Variants in SFXN5 observed in about 807,000 individuals in gnomAD.
SFXN5 encodes sideroflexin 5.
In SFXN5, 43 loss-of-function variants were observed where a neutral mutation model predicts 50.2. The observed-to-expected ratio is 0.86, with a 90% CI of 0.67 to 1.11. The LOEUF (loss-of-function observed/expected upper bound fraction) is 1.11, where lower values mean the gene tolerates loss of function less well. SFXN5 is among the 50% of genes least tolerant of loss of function. The pLI is 0.00. For synonymous variants in SFXN5, 203 were observed against 185.8 expected (o/e 1.09, Z -0.75); for missense variants, 463 against 454.1 (o/e 1.02, Z -0.18).
intron 2 of SFXN5, among the ~76,000 whole-genome samples, chr2:73,052,343 T>TGC: frequency 7.5e-6 from 1 of 133,040 alleles, no homozygotes; most frequent in Non-Finnish European, 1.5e-5. Flanking sequence ...AGAGAGAGTG[T>TGC]GTGTGTGTGT....
intron 1 of SFXN5, chr2:73,071,304 A>T (rs1190365728): frequency 2.4e-6 from 1 of 412,192 alleles, no homozygotes; most frequent in Non-Finnish European, 4.4e-6. Context: ...GGCGCTCGGG[A>T]CCTTGACCGC....
At chr2:73,036,102 G>A (rs1289503037) in intron 3 of SFXN5, among the ~76,000 whole-genome samples, 1 of 152,220 alleles carries the variant, frequency 6.6e-6, no homozygotes, top group Non-Finnish European at 1.5e-5. Context: ...CCAGGTGCAG[G>A]TGAGGCCACT....
chr2:73,048,142 C>T (rs1263767342), intron 2 of SFXN5, among the ~76,000 whole-genome samples: 3 of 152,114 alleles, frequency 2.0e-5, no homozygotes, highest in African/African-American at 4.8e-5. Context: ...TGTATATACA[C>T]GTATCATGCA....
intron 12 of SFXN5, among the ~76,000 whole-genome samples, chr2:72,967,796 C>T (rs905714233): frequency 7.2e-5 from 11 of 152,172 alleles, no homozygotes; most frequent in South Asian, 2.1e-4. Flanking sequence ...GCCCTCTCTG[C>T]GCAGCCTTTC....
intron 1 of SFXN5, among the ~76,000 whole-genome samples, chr2:73,065,436 T>C (rs542683110): frequency 2.6e-5 from 4 of 151,686 alleles, no homozygotes; most frequent in Admixed American, 6.6e-5. Context: ...GTTTCGCTCT[T>C]GTTGCCCAGG....
chr2:73,020,367 T>C (rs2105822053), intron 5 of SFXN5, 103 bp from the exon 6 acceptor site: 4 of 1,158,908 alleles, frequency 3.5e-6, no homozygotes, highest in South Asian at 2.7e-5. Flanking sequence ...GTGGCCCTGA[T>C]GAAGGGGCTC....
At chr2:73,023,165 T>C (rs375091880) in intron 4 of SFXN5, 23 bp downstream of exon 4, 33 of 1,599,204 alleles carry the variant, frequency 2.1e-5, no homozygotes, top group African/African-American at 5.4e-5. Context: ...GAGAAGGAAA[T>C]AGAGAATCCA....
chr2:72,968,553 T>C lies in SFXN5; in HGVS notation c.742-20A>G, dbSNP rs776881952. The C allele has an allele frequency of 3.1e-6, 5 of 1,611,960 alleles. No individual in the cohort carries two copies. The highest frequency in any genetic ancestry group is 2.5e-6 in the Non-Finnish European group (3 of 1,179,256). ...CAGGGCCTGAGGGGCAGGCAGAAGC[T>C]GTGTGAGAGGGGCCTGACAGCTGGT... On this transcript the variant is annotated intron_variant, in intron 11 of 13. Coordinates refer to ENST00000272433, the MANE Select transcript of SFXN5 (RefSeq NM_144579.3).
chr2:73,064,503 T>C (rs985667870), intron 1 of SFXN5, among the ~76,000 whole-genome samples: 2 of 152,242 alleles, frequency 1.3e-5, no homozygotes, highest in African/African-American at 4.8e-5. Flanking sequence ...GTCTCGCCTA[T>C]AGGAAGTAAA....
At chr2:73,030,128 A>AG (rs1180413668) in intron 3 of SFXN5, among the ~76,000 whole-genome samples, 1 of 152,014 alleles carries the variant, frequency 6.6e-6, no homozygotes, top group Non-Finnish European at 1.5e-5. Flanking sequence ...ACAAAAAAAA[A>AG]CAAAAACAAA....
At chr2:73,011,102 AT>A (rs1675445447) in intron 6 of SFXN5, among the ~76,000 whole-genome samples, 1 of 152,232 alleles carries the variant, frequency 6.6e-6, no homozygotes, top group Non-Finnish European at 1.5e-5. Context: ...AAATCAATCA[AT>A]TGTGCAGTGG....
chr2:73,037,637 A>C (rs1574191534), intron 3 of SFXN5, among the ~76,000 whole-genome samples: 1 of 152,218 alleles, frequency 6.6e-6, no homozygotes, highest in East Asian at 1.9e-4. Flanking sequence ...ATTTCCAAAG[A>C]AAGAAAACAG....
chr2:73,057,913 T>C (rs1003526695), intron 2 of SFXN5, among the ~76,000 whole-genome samples: 1 of 152,292 alleles, frequency 6.6e-6, no homozygotes, highest in Admixed American at 6.5e-5. Flanking sequence ...TCCCCAGCCA[T>C]GAGGAACTGT....
At position 72,950,166 on chromosome 2, in the gene SFXN5, G is replaced by T. The variant is rs150583259; in HGVS notation, c.946-5067C>A. Among the ~76,000 whole-genome samples, 3 of 152,150 alleles carry T rather than the reference G, an allele frequency of 2.0e-5. No individual in the cohort carries two copies. Among genetic ancestry groups the T allele is most frequent in the African/African-American group, 7.2e-5 (3 of 41,418 alleles). On this transcript the variant is annotated intron_variant, in intron 13 of 13. Transcript: ENST00000272433. The surrounding 1 kb of genome is among the most constrained non-coding windows in gnomAD (Gnocchi z 4.2). ...GAACAGGCACATTTGAAGGGCAAGCGGAGGGAACAAGCCTGTGATGGTGGC... is the reference window on the plus strand; with the variant it reads ...GAACAGGCACATTTGAAGGGCAAGCTGAGGGAACAAGCCTGTGATGGTGGC...
At chr2:73,045,334 G>GC (rs531628852) in intron 2 of SFXN5, among the ~76,000 whole-genome samples, 2 of 151,944 alleles carry the variant, frequency 1.3e-5, no homozygotes, top group African/African-American at 2.4e-5. Flanking sequence ...AATGCCCAAA[G>GC]CCCCCCCAGA....
At chr2:73,053,998 G>T (rs1013410764) in intron 2 of SFXN5, among the ~76,000 whole-genome samples, 3 of 152,198 alleles carry the variant, frequency 2.0e-5, no homozygotes, top group Non-Finnish European at 4.4e-5. Context: ...CATCGGGAGG[G>T]ACTCAGAGGC....
At chr2:73,061,695 A>G (rs1446434405) in intron 1 of SFXN5, among the ~76,000 whole-genome samples, 1 of 152,206 alleles carries the variant, frequency 6.6e-6, no homozygotes, top group Non-Finnish European at 1.5e-5. Context: ...GCTAATAGAG[A>G]TTGCCTCTGG....
At chr2:73,046,132 G>A (rs1384000482) in intron 2 of SFXN5, among the ~76,000 whole-genome samples, 2 of 152,146 alleles carry the variant, frequency 1.3e-5, no homozygotes, top group East Asian at 1.9e-4. Flanking sequence ...ATGTTGGCCG[G>A]GTGCAGCAGC....
intron 10 of SFXN5, among the ~76,000 whole-genome samples, chr2:72,985,286 G>A (rs996242454): frequency 2.0e-5 from 3 of 152,004 alleles, no homozygotes; most frequent in African/African-American, 7.3e-5. Flanking sequence ...AGCCTACCTC[G>A]GAGACCTGCA....
Sources: gnomAD v4.1 joint callset for allele counts (sites outside exome capture counted in the v4.1 genomes callset) on GRCh38, gnomAD v4.1.1 for gene constraint, Gnocchi (gnomAD v3.1) non-coding constraint, MANE v1.5 for transcripts, NCBI Gene and HGNC (gene_info 2026-07-23, HGNC 2026-07-21) for gene names.